Variants in UTP18 observed in about 807,000 individuals in gnomAD.
UTP18 encodes UTP18 small subunit processome component.
UTP18 carries 36 observed loss-of-function variants against 61.1 expected under a neutral mutation model. That is an observed-to-expected ratio of 0.59 (90% CI 0.45 to 0.78). The LOEUF (loss-of-function observed/expected upper bound fraction) is 0.78. Ranked by LOEUF, UTP18 falls within the 30% of genes least tolerant of loss-of-function variation. The pLI is 0.00. For synonymous variants in UTP18, 282 were observed against 251.1 expected, an observed-to-expected ratio of 1.12 and a Z score of -1.16; for missense variants, 753 against 693.9, an observed-to-expected ratio of 1.09 and a Z score of -0.96.
intron 9 of UTP18, among the ~76,000 whole-genome samples, chr17:51,282,627 A>G (rs1597850403): frequency 6.6e-6 from 1 of 151,920 alleles, no homozygotes; most frequent in Non-Finnish European, 1.5e-5. Context: ...TTGGGGAGGG[A>G]AAAGAGGTGG....
rs150419820 is a variant in UTP18, at chr17:51,290,694, G to A, written c.1503+2491G>A. ...GACACATAATAGTTCTGCATTGTTTGCTTCAGTGATCATGACAGCATTTAT... is the reference window on the plus strand; with the variant it reads ...GACACATAATAGTTCTGCATTGTTTACTTCAGTGATCATGACAGCATTTAT... On this transcript the variant is annotated intron_variant, in intron 11 of 13. Transcript: ENST00000225298. 9.5e-3 allele frequency among the ~76,000 whole-genome samples: 1,445 copies of A among 152,236 alleles called. 10 individuals carry two copies. Among genetic ancestry groups the A allele is most frequent in the Non-Finnish European group, 0.013 (917 of 68,004 alleles).
At chr17:51,282,507 TGGAAGGAAGGAA>T (rs58446664) in intron 9 of UTP18, among the ~76,000 whole-genome samples, 1 of 149,280 alleles carries the variant, frequency 6.7e-6, no homozygotes, top group South Asian at 2.1e-4. Flanking sequence ...GAAGGAAAGA[TGGAAGGAAGGAA>T]GGAAGGAAAG....
rs755004332 is a variant in UTP18 at position 51,285,311 on chromosome 17, G to C, written c.1271G>C (p.Gly424Ala). 6.2e-7 allele frequency: 1 copy of C among 1,613,968 alleles called. No homozygotes were observed. The highest frequency in any genetic ancestry group is 1.1e-5 in the South Asian group (1 of 91,076). ...TGCCTTAACAGATTTGTTGATGAAGGCAGTTTATATGGATTAAGCATTGCC... is the reference window on the plus strand; with the variant it reads ...TGCCTTAACAGATTTGTTGATGAAGCCAGTTTATATGGATTAAGCATTGCC... Reference protein sequence around the residue: ...RKCLNRFVDEGSLYGLSIATS... With the variant: ...RKCLNRFVDEASLYGLSIATS... Residue 424 changes from glycine (G) to alanine (A), a missense_variant, in exon 10 of 14, where the codon GGC (glycine) becomes GCC (alanine). Coordinates refer to ENST00000225298, the MANE Select transcript of UTP18 (RefSeq NM_016001.3).
chr17:51,268,993 C>T, intron 4 of UTP18, 89 bp downstream of exon 4: 1 of 1,364,572 alleles, frequency 7.3e-7, no homozygotes, highest in Non-Finnish European at 1.0e-6. Flanking sequence ...CTCATTAAAA[C>T]CTGGCATTTC....
intron 7 of UTP18, 33 bp from the exon 8 acceptor site, chr17:51,279,972 A>C: frequency 6.5e-7 from 1 of 1,536,058 alleles, no homozygotes; most frequent in Non-Finnish European, 8.9e-7. Context: ...AACTATATAA[A>C]ACTTTATTTA....
At chr17:51,275,146 G>A (rs763700673) in intron 5 of UTP18, among the ~76,000 whole-genome samples, 3 of 149,674 alleles carry the variant, frequency 2.0e-5, no homozygotes, top group Non-Finnish European at 2.9e-5. Flanking sequence ...GTGGTGAGTC[G>A]AGATTACGCC....
intron 12 of UTP18, 91 bp from the exon 13 acceptor site, chr17:51,296,874 A>G: frequency 7.9e-7 from 1 of 1,265,376 alleles, no homozygotes; most frequent in Non-Finnish European, 1.1e-6. Flanking sequence ...TTTTCCCACT[A>G]AAATCTTCCT....
intron 10 of UTP18, among the ~76,000 whole-genome samples, chr17:51,286,088 A>G (rs987154760): frequency 1.3e-5 from 2 of 152,242 alleles, no homozygotes; most frequent in Non-Finnish European, 2.9e-5. Context: ...CTGGGGGTAT[A>G]AATAAAAAAC....
intron 4 of UTP18, among the ~76,000 whole-genome samples, chr17:51,272,131 TTCTG>T (rs1199612363): frequency 4.0e-5 from 6 of 149,548 alleles, no homozygotes; most frequent in Non-Finnish European, 9.0e-5. Flanking sequence ...CAGAGTCTTA[TTCTG>T]TTGCCCAGGC....
intron 10 of UTP18, chr17:51,286,496 A>C (rs1440155265): frequency 2.2e-6 from 1 of 456,256 alleles, no homozygotes; most frequent in Admixed American, 2.3e-5. Context: ...AAAACTGGGG[A>C]AACTGCTTGT....
At chr17:51,274,272 T>G (rs1166949042) in intron 5 of UTP18, among the ~76,000 whole-genome samples, 1 of 152,230 alleles carries the variant, frequency 6.6e-6, no homozygotes, top group Non-Finnish European at 1.5e-5. Flanking sequence ...TCTAAAGTGG[T>G]CTACACTATT....
Position 51,266,208 on chromosome 17 carries a change from G to A in UTP18, c.482G>A (p.Arg161Gln), listed in dbSNP as rs993309027. The change falls in exon 3 of 14, where the codon CGG (arginine) becomes CAG (glutamine). Residue 161 changes from arginine (R) to glutamine (Q), a missense_variant. Coordinates refer to ENST00000225298, the MANE Select transcript of UTP18 (RefSeq NM_016001.3). ...GTTGACATGATGAACAATCGGTTTC[G>A]GAAGGATATGATGAAAAATGCTAGT... ...EMVDMMNNRF[R>Q]KDMMKNASES... 1.3e-5 allele frequency: 21 copies of A among 1,597,578 alleles called. No individual in the cohort carries two copies. Among genetic ancestry groups the A allele is most frequent in the East Asian group, 2.3e-5 (1 of 43,636 alleles).
intron 6 of UTP18, 151 bp downstream of exon 6, chr17:51,276,142 GA>G (rs1904714375): frequency 2.8e-5 from 7 of 251,876 alleles, no homozygotes; most frequent in Non-Finnish European, 3.1e-5. Context: ...AGAAGTGACA[GA>G]GTTCATTTAC....
chr17:51,263,360 GGATGAAGAA>G lies in UTP18; in HGVS notation c.438_446del (p.Glu146_Glu148del). On this transcript the variant is annotated inframe_deletion, in exon 2 of 14. Transcript: ENST00000225298. ...CACCTCAAAAGAAGCCAGTTTGGGT[GGATGAAGAA>G]GATGAAGATGAGGAAATGTAAGTTG... is the stretch of plus-strand genomic sequence containing the variant. 6.2e-7 allele frequency: 1 copy of G among 1,614,078 alleles called. No individual in the cohort carries two copies. The highest frequency in any genetic ancestry group is 8.5e-7 in the Non-Finnish European group (1 of 1,179,982).
chr17:51,264,081 G>C (rs924692373), intron 2 of UTP18, among the ~76,000 whole-genome samples: 1 of 150,802 alleles, frequency 6.6e-6, no homozygotes, highest in Non-Finnish European at 1.5e-5. Context: ...GTTTCACCTA[G>C]GCTGGAGTGC....
intron 1 of UTP18, 43 bp downstream of exon 1, chr17:51,260,969 G>T: frequency 3.5e-6 from 5 of 1,423,850 alleles, no homozygotes; most frequent in Non-Finnish European, 4.6e-6. Flanking sequence ...ACTCGGGCGG[G>T]GCGCGCGGTG....
intron 13 of UTP18, 40 bp from the exon 14 acceptor site, chr17:51,297,742 C>A: frequency 2.3e-6 from 1 of 439,764 alleles, no homozygotes; most frequent in Non-Finnish European, 4.5e-6. Flanking sequence ...TGACCAGCAG[C>A]TATAAATCAG....
At chr17:51,279,186 C>G (rs947642852) in intron 7 of UTP18, among the ~76,000 whole-genome samples, 2 of 152,142 alleles carry the variant, frequency 1.3e-5, no homozygotes, top group African/African-American at 4.8e-5. Flanking sequence ...AGTGAAAACT[C>G]TCTTCTGCTC....
intron 1 of UTP18, among the ~76,000 whole-genome samples, chr17:51,261,361 C>T (rs889270071): frequency 6.6e-6 from 1 of 152,240 alleles, no homozygotes; most frequent in Non-Finnish European, 1.5e-5. Context: ...CCCCATGTGA[C>T]TATGAGACCC....
Sources: allele counts gnomAD v4.1 joint callset (sites outside exome capture counted in the v4.1 genomes callset), GRCh38; gene constraint gnomAD v4.1.1; transcripts MANE v1.5; gene names NCBI Gene and HGNC (gene_info 2026-07-23, HGNC 2026-07-21).